Variants in CDK8 observed in about 807,000 individuals in gnomAD.
CDK8 encodes the protein cyclin-dependent kinase 8.
A neutral mutation model predicts 71.5 loss-of-function variants in CDK8; 29 were observed. That is an observed-to-expected ratio of 0.41 (90% CI 0.30 to 0.55). CDK8 has a LOEUF of 0.55. Among genes scored for constraint, CDK8 ranks in the 20% least tolerant of loss-of-function variants. The probability of loss-of-function intolerance (pLI) is 0.37; values close to 1 mark genes in which losing one functional copy is unlikely to be tolerated. For missense variants in CDK8, 288 were observed against 572.6 expected (o/e 0.50, Z 5.07); for synonymous variants, 161 against 192.1 (o/e 0.84, Z 1.34).
intron 1 of CDK8, among the ~76,000 whole-genome samples, chr13:26,322,071 A>T (rs555783184): frequency 2.4e-4 from 36 of 152,246 alleles, no homozygotes; most frequent in African/African-American, 7.7e-4. Context: ...TCTTCCTGCC[A>T]GGAAGTCCCA....
chr13:26,323,342 AGAGG>A (rs1284492588), intron 1 of CDK8, among the ~76,000 whole-genome samples: 4 of 137,606 alleles, frequency 2.9e-5, no homozygotes. Context: ...AGAGAGAGGG[AGAGG>A]GAGAGGGAGA....
At chr13:26,342,862 CT>C (rs1380473689) in intron 2 of CDK8, among the ~76,000 whole-genome samples, 13 of 152,158 alleles carry the variant, frequency 8.5e-5, no homozygotes, top group Non-Finnish European at 1.3e-4. Context: ...AGTTTGTTTT[CT>C]TATAGTTGTG....
intron 1 of CDK8, among the ~76,000 whole-genome samples, chr13:26,285,339 A>T (rs972027768): frequency 2.6e-5 from 4 of 152,278 alleles, no homozygotes; most frequent in African/African-American, 9.6e-5. Context: ...ACAGGGATGT[A>T]GTGATGAATT....
rs2138080963 is a variant in CDK8, at chr13:26,404,542, A to T, written c.*461A>T. ...ATGTTAACGAAATAACCAAGACTCG[A>T]AATGAGATTATTTTGGTACACCTTT... On this transcript the variant is annotated 3_prime_UTR_variant, in exon 13 of 13. Coordinates refer to ENST00000381527, the MANE Select transcript of CDK8 (RefSeq NM_001260.3). 4.3e-6 allele frequency: 1 copy of T among 232,922 alleles called. No homozygotes were observed. The highest frequency in any genetic ancestry group is 6.1e-5 in the East Asian group (1 of 16,464). The allele number at this position is 232,922 out of a possible 1,614,324, so 14.4% of individuals were successfully genotyped here.
At chr13:26,268,748 T>G (rs1872158191) in intron 1 of CDK8, among the ~76,000 whole-genome samples, 1 of 152,202 alleles carries the variant, frequency 6.6e-6, no homozygotes, top group African/African-American at 2.4e-5. Flanking sequence ...TTTCATCAGA[T>G]TTCTCTATTC....
intron 1 of CDK8, among the ~76,000 whole-genome samples, chr13:26,294,823 C>T (rs541333710): frequency 5.5e-4 from 84 of 152,204 alleles, no homozygotes; most frequent in African/African-American, 1.8e-3. Context: ...GATCTTGGCT[C>T]ACTGCAACCT....
At chr13:26,360,070 A>C (rs923355409) in intron 4 of CDK8, among the ~76,000 whole-genome samples, 1 of 152,190 alleles carries the variant, frequency 6.6e-6, no homozygotes, top group Non-Finnish European at 1.5e-5. Context: ...TTTTTATAAA[A>C]CTTAAAAAAG....
intron 4 of CDK8, among the ~76,000 whole-genome samples, chr13:26,372,726 A>G (rs1874748186): frequency 6.6e-6 from 1 of 152,104 alleles, no homozygotes; most frequent in Non-Finnish European, 1.5e-5. Flanking sequence ...CTGCTAATAT[A>G]AAGTCTCAGT....
At chr13:26,312,063 G>A (rs552914538) in intron 1 of CDK8, among the ~76,000 whole-genome samples, 1 of 152,266 alleles carries the variant, frequency 6.6e-6, no homozygotes, top group Admixed American at 6.5e-5. Flanking sequence ...TGGGGACTTG[G>A]AGAACTTTTC....
chr13:26,257,742 C>G (rs887051796), intron 1 of CDK8, among the ~76,000 whole-genome samples: 2 of 152,106 alleles, frequency 1.3e-5, no homozygotes, highest in African/African-American at 4.8e-5. Context: ...AATATTTGCA[C>G]TGAATGTTTG....
intron 2 of CDK8, among the ~76,000 whole-genome samples, chr13:26,339,823 T>C (rs1264866571): frequency 6.7e-6 from 1 of 148,984 alleles, no homozygotes; most frequent in African/African-American, 2.4e-5. Context: ...AGGTTTTTGG[T>C]GATTGCTTGG....
chr13:26,382,817 CCTG>C lies in CDK8; in HGVS notation c.463_465del (p.Ala155del). On this transcript the variant is annotated inframe_deletion, in exon 5 of 13. Transcript: ENST00000381527. ...AAACACTATTTTGTTTCCACAGAAA[CCTG>C]CTAATATTTTAGTTATGGGTGAAGG... is the stretch of plus-strand genomic sequence containing the variant. 1 of 1,591,284 alleles carries C rather than the reference CCTG, an allele frequency of 6.3e-7. No homozygotes were observed.
intron 1 of CDK8, among the ~76,000 whole-genome samples, chr13:26,261,948 T>G (rs1238461913): frequency 6.6e-6 from 1 of 152,236 alleles, no homozygotes; most frequent in Non-Finnish European, 1.5e-5. Flanking sequence ...TCCAGGACAG[T>G]GCTCACACCA....
At chr13:26,277,116 A>C (rs1482180515) in intron 1 of CDK8, among the ~76,000 whole-genome samples, 1 of 152,216 alleles carries the variant, frequency 6.6e-6, no homozygotes, top group Non-Finnish European at 1.5e-5. Context: ...CTTTGATGCA[A>C]CTATTATTTT....
intron 1 of CDK8, among the ~76,000 whole-genome samples, chr13:26,292,945 G>A (rs112195241): frequency 0.024 from 3,577 of 152,096 alleles, 61 homozygotes; most frequent in Non-Finnish European, 0.037. Flanking sequence ...TGCATTTGTG[G>A]ATTTTATTTT....
At chr13:26,323,320 AG>A (rs1874869374) in intron 1 of CDK8, among the ~76,000 whole-genome samples, 1 of 116,878 alleles carries the variant, frequency 8.6e-6, no homozygotes, top group Non-Finnish European at 1.7e-5. Flanking sequence ...AGAGAGAGAG[AG>A]AGAGAGGGAG....
At chr13:26,323,817 C>T (rs1360755191) in intron 1 of CDK8, among the ~76,000 whole-genome samples, 2 of 152,042 alleles carry the variant, frequency 1.3e-5, no homozygotes, top group Admixed American at 6.6e-5. Flanking sequence ...TCTTTAAGTG[C>T]ATATACCACA....
chr13:26,300,924 G>A (rs1434732927), intron 1 of CDK8, among the ~76,000 whole-genome samples: 2 of 152,280 alleles, frequency 1.3e-5, no homozygotes, highest in East Asian at 1.9e-4. Context: ...GTGGGGGTGA[G>A]GAGAGAGATG....
At chr13:26,384,693 T>A (rs1565994794) in intron 5 of CDK8, among the ~76,000 whole-genome samples, 1 of 152,024 alleles carries the variant, frequency 6.6e-6, no homozygotes, top group African/African-American at 2.4e-5. Context: ...ACCTAGCTTT[T>A]AAAAAAAATA....
Sources: gnomAD v4.1 joint callset for allele counts (sites outside exome capture counted in the v4.1 genomes callset) on GRCh38, gnomAD v4.1.1 for gene constraint, MANE v1.5 for transcripts, NCBI Gene and HGNC (gene_info 2026-07-23, HGNC 2026-07-21) for gene names.